The following PRDM16 variants were observed in gnomAD, a reference collection of about 807,000 sequenced individuals.
PRDM16 encodes PR/SET domain 16, also known as histone-lysine N-methyltransferase PRDM16.
In PRDM16, 23 loss-of-function variants were observed where a neutral mutation model predicts 110.6. That is an observed-to-expected ratio of 0.21 (90% CI 0.15 to 0.29). The LOEUF (loss-of-function observed/expected upper bound fraction) is 0.29. Among genes scored for constraint, PRDM16 ranks in the 10% least tolerant of loss-of-function variants. The probability of loss-of-function intolerance (pLI) is 1.00; values close to 1 mark genes in which losing one functional copy is unlikely to be tolerated. For missense variants in PRDM16, 1,615 were observed against 1,794.3 expected, an observed-to-expected ratio of 0.90 and a Z score of 1.81; for synonymous variants, 799 against 781.8, an observed-to-expected ratio of 1.02 and a Z score of -0.37.
chr1:3,346,246 G>A lies in PRDM16; in HGVS notation c.439-38906G>A, dbSNP rs529076563. 2.8e-4 allele frequency among the ~76,000 whole-genome samples: 43 copies of A among 152,356 alleles called. 1 individual carries two copies. The highest frequency in any genetic ancestry group is 8.9e-4 in the African/African-American group (37 of 41,592). Reference sequence around the variant, plus strand: ...TCTCCCGTTGGCCCTGCCCCACGGCGGTGAGCGACGTACCCTTCCCCAGGA... The same window carrying A: ...TCTCCCGTTGGCCCTGCCCCACGGCAGTGAGCGACGTACCCTTCCCCAGGA... On this transcript the variant is annotated intron_variant, in intron 3 of 16. Coordinates refer to ENST00000270722, the MANE Select transcript of PRDM16 (RefSeq NM_022114.4).
At chr1:3,234,249 C>T (rs932456227) in intron 2 of PRDM16, among the ~76,000 whole-genome samples, 4 of 152,190 alleles carry the variant, frequency 2.6e-5, no homozygotes, top group Admixed American at 2.0e-4. Context: ...CCAGTATGGT[C>T]ACCAACAGAG....
intron 1 of PRDM16, among the ~76,000 whole-genome samples, chr1:3,124,867 CA>C (rs916013651): frequency 5.3e-5 from 8 of 152,068 alleles, no homozygotes; most frequent in African/African-American, 1.2e-4. Flanking sequence ...TCCCTGCTCC[CA>C]TCCGGGCAGC....
Position 3,157,431 on chromosome 1 carries a change from A to AG in PRDM16, c.38-28694_38-28693insG, listed in dbSNP as rs1170099968. ...CCTTTTGCGATCCCATTAAAAAAAA[A>AG]AAAAAAAAAAACACCTTTGTGGGGG... On this transcript the variant is annotated intron_variant, in intron 1 of 16. Coordinates refer to ENST00000270722, the MANE Select transcript of PRDM16 (RefSeq NM_022114.4). The surrounding 1 kb of genome is among the most constrained non-coding windows in gnomAD (Gnocchi z 4.8). 6.6e-6 allele frequency among the ~76,000 whole-genome samples: 1 copy of AG among 151,666 alleles called. No individual in the cohort carries two copies. The highest frequency in any genetic ancestry group is 2.4e-5 in the African/African-American group (1 of 41,194).
At chr1:3,219,631 C>A (rs79372668) in intron 2 of PRDM16, among the ~76,000 whole-genome samples, 5,343 of 152,274 alleles carry the variant, frequency 0.035, 190 homozygotes, top group East Asian at 0.12. Context: ...CCCAGATCCC[C>A]GCCACAGCTC....
chr1:3,408,715 AGTGT>A (rs886601101), intron 8 of PRDM16, among the ~76,000 whole-genome samples: 13 of 130,686 alleles, frequency 9.9e-5, no homozygotes, highest in African/African-American at 2.8e-4. Context: ...CGTGCATGAG[AGTGT>A]GTGAGTGTGG....
chr1:3,314,858 C>G (rs1302205713), intron 3 of PRDM16, among the ~76,000 whole-genome samples: 1 of 152,172 alleles, frequency 6.6e-6, no homozygotes, highest in Non-Finnish European at 1.5e-5. Flanking sequence ...TCAGCCTTCG[C>G]CCTATTCATC....
intron 3 of PRDM16, among the ~76,000 whole-genome samples, chr1:3,376,423 C>T (rs1457711655): frequency 6.6e-6 from 1 of 152,228 alleles, no homozygotes; most frequent in Non-Finnish European, 1.5e-5. Context: ...ACAGGGTCCT[C>T]TTGCTGCATC....
At chr1:3,275,559 C>T (rs866873771) in intron 3 of PRDM16, among the ~76,000 whole-genome samples, 2 of 152,290 alleles carry the variant, frequency 1.3e-5, no homozygotes, top group African/African-American at 2.4e-5. Flanking sequence ...ACGGGTCACC[C>T]TGTCCTGGTG....
rs1330241655 is a variant in PRDM16 at position 3,359,599 on chromosome 1, A to G, written c.439-25553A>G. 6.6e-6 allele frequency among the ~76,000 whole-genome samples: 1 copy of G among 151,908 alleles called. No homozygotes were observed. The highest frequency in any genetic ancestry group is 1.5e-5 in the Non-Finnish European group (1 of 67,978). On this transcript the variant is annotated intron_variant, in intron 3 of 16. Transcript: ENST00000270722. This position sits in a 1 kb window ranked among gnomAD's most constrained non-coding sequence, Gnocchi z 4.3. ...AGGCTCGGGTTTCAGCCTCCCCTCC[A>G]CCTGTCACCGTTGTTTATCCTCCTC... is the stretch of plus-strand genomic sequence containing the variant.
chr1:3,084,028 C>G (rs773693481), intron 1 of PRDM16, among the ~76,000 whole-genome samples: 5 of 152,236 alleles, frequency 3.3e-5, no homozygotes, highest in Non-Finnish European at 7.3e-5. Flanking sequence ...GAGAGATGTC[C>G]CTGGGTCTTG....
At position 3,181,105 on chromosome 1, in the gene PRDM16, T is replaced by TAC. The variant is rs1197280196; in HGVS notation, c.38-5017_38-5016dup. Among the ~76,000 whole-genome samples, 85 of 19,590 alleles carry TAC rather than the reference T, an allele frequency of 4.3e-3. 2 individuals carry two copies. Among genetic ancestry groups the TAC allele is most frequent in the Non-Finnish European group, 0.014 (65 of 4,540 alleles). 12.9% of individuals were successfully genotyped at this position (19,590 alleles called of 152,430 possible). A position where few individuals can be genotyped will look rare whatever the true frequency, so the allele number is the denominator to read the frequency against. On this transcript the variant is annotated intron_variant, in intron 1 of 16. Coordinates refer to ENST00000270722, the MANE Select transcript of PRDM16 (RefSeq NM_022114.4). ...ACACACGGCCTTACACACGCAGTCT[T>TAC]ACACGCGGCCTTACACACGCAGTCT... is the stretch of plus-strand genomic sequence containing the variant.
Position 3,435,879 on chromosome 1 carries a change from C to G in PRDM16, c.*2068C>G, listed in dbSNP as rs1454860051. The G allele has an allele frequency of 1.3e-5, 3 of 232,072 alleles. No homozygotes were observed. The highest frequency in any genetic ancestry group is 2.6e-5 in the Non-Finnish European group (3 of 117,344). 14.4% of individuals were successfully genotyped at this position (232,072 alleles called of 1,614,324 possible). ...GAAAGGGATTCCTCCCACGCCAGATCTGCACAACGAGGCAAGACAGGACCC... is the reference window on the plus strand; with the variant it reads ...GAAAGGGATTCCTCCCACGCCAGATGTGCACAACGAGGCAAGACAGGACCC... On this transcript the variant is annotated 3_prime_UTR_variant, in exon 17 of 17. Transcript: ENST00000270722.
intron 1 of PRDM16, among the ~76,000 whole-genome samples, chr1:3,072,441 G>A (rs1346943416): frequency 6.6e-6 from 1 of 152,186 alleles, no homozygotes; most frequent in Non-Finnish European, 1.5e-5. Flanking sequence ...CTGGGGGAGT[G>A]TCCTCTCCAC....
At chr1:3,074,909 G>A (rs745519334) in intron 1 of PRDM16, among the ~76,000 whole-genome samples, 13 of 152,252 alleles carry the variant, frequency 8.5e-5, no homozygotes, top group South Asian at 2.1e-4. Flanking sequence ...CCAGCCTGGC[G>A]TGGGCCACGG....
chr1:3,297,310 A>G (rs2100378484), intron 3 of PRDM16, among the ~76,000 whole-genome samples: 1 of 139,506 alleles, frequency 7.2e-6, no homozygotes, highest in East Asian at 2.1e-4. Context: ...TTTTGACAGA[A>G]TCTCGCTCTG....
At chr1:3,198,659 C>T (rs1557522827) in intron 2 of PRDM16, among the ~76,000 whole-genome samples, 1 of 152,206 alleles carries the variant, frequency 6.6e-6, no homozygotes, top group Non-Finnish European at 1.5e-5. Flanking sequence ...CGCCCAGGAG[C>T]TCTCGTGCAT....
At chr1:3,100,525 G>A (rs1243580600) in intron 1 of PRDM16, among the ~76,000 whole-genome samples, 1 of 152,098 alleles carries the variant, frequency 6.6e-6, no homozygotes, top group Admixed American at 6.5e-5. Flanking sequence ...CTCAGTGGAC[G>A]GGGCCTCTGC....
At chr1:3,294,520 C>A (rs1027379338) in intron 3 of PRDM16, among the ~76,000 whole-genome samples, 4 of 152,072 alleles carry the variant, frequency 2.6e-5, no homozygotes, top group African/African-American at 9.7e-5. Flanking sequence ...GCCCCTCTGC[C>A]CCAACATCAG....
rs1302967586 is a variant in PRDM16, at chr1:3,175,348, T to C, written c.38-10777T>C. On this transcript the variant is annotated intron_variant, in intron 1 of 16. Transcript: ENST00000270722. This position sits in a 1 kb window ranked among gnomAD's most constrained non-coding sequence, Gnocchi z 4.8. ...GGTGTACAGAATCCTCTGTGAGGAA[T>C]GGGAACACCCTATTTTTTCTCTAGA... Among the ~76,000 whole-genome samples, 1 of 152,156 alleles carries C rather than the reference T, an allele frequency of 6.6e-6. No individual in the cohort carries two copies. The highest frequency in any genetic ancestry group is 1.5e-5 in the Non-Finnish European group (1 of 68,022).
Sources: gnomAD v4.1 joint callset for allele counts (sites outside exome capture counted in the v4.1 genomes callset) on GRCh38, gnomAD v4.1.1 for gene constraint, Gnocchi (gnomAD v3.1) non-coding constraint, MANE v1.5 for transcripts, NCBI Gene and HGNC (gene_info 2026-07-23, HGNC 2026-07-21) for gene names.